AKAP13: variants seen among roughly 807,000 people sequenced by gnomAD.
AKAP13 encodes the protein A-kinase anchoring protein 13.
AKAP13 carries 80 observed loss-of-function variants against 264.5 expected under a neutral mutation model. The observed-to-expected ratio is 0.30, with a 90% confidence interval of 0.25 to 0.36. The LOEUF is 0.36. AKAP13 is among the 10% of genes least tolerant of loss of function. The pLI is 1.00. For missense variants in AKAP13, 3,712 were observed against 3,435.2 expected, an observed-to-expected ratio of 1.08 and a Z score of -2.01; for synonymous variants, 1,380 against 1,250.2, an observed-to-expected ratio of 1.10 and a Z score of -2.19.
Position 85,575,210 on chromosome 15 carries a change from C to T in AKAP13, c.742C>T (p.Arg248Ter). The change falls in exon 6 of 37, where the codon CGA becomes TGA. Residue 248 changes from arginine to a stop codon, truncating the protein, a stop_gained. Coordinates refer to ENST00000394518, the MANE Select transcript of AKAP13 (RefSeq NM_007200.5). LOFTEE classifies it high-confidence loss of function. ...TGGAGACTGTTCTGTGAGGCATCATCGAGAGTTGGACATCTATACATTAAC... is the reference window on the plus strand; with the variant it reads ...TGGAGACTGTTCTGTGAGGCATCATTGAGAGTTGGACATCTATACATTAAC... ...PYGDCSVRHHRELDIYTLTSE... is the reference protein window; with the variant it reads ...PYGDCSVRHH The T allele has an allele frequency of 1.9e-6, 3 of 1,614,092 alleles. No individual in the cohort carries two copies. Among genetic ancestry groups the T allele is most frequent in the Non-Finnish European group, 2.5e-6 (3 of 1,180,018 alleles).
At chr15:85,393,794 A>G (rs1175166254) in intron 1 of AKAP13, among the ~76,000 whole-genome samples, 1 of 152,206 alleles carries the variant, frequency 6.6e-6, no homozygotes, top group African/African-American at 2.4e-5. Context: ...TAGTTTTATT[A>G]TATATGCCAT....
At chr15:85,613,713 T>TATGTATGTATATATATATATA (rs1254657975) in intron 8 of AKAP13, among the ~76,000 whole-genome samples, 1 of 110,988 alleles carries the variant, frequency 9.0e-6, no homozygotes, top group African/African-American at 3.4e-5. Context: ...TATATATATA[T>TATGTATGTATATATATATATA]TAGGAGTGCT....
At chr15:85,604,917 A>T (rs1024827863) in intron 8 of AKAP13, among the ~76,000 whole-genome samples, 1 of 152,160 alleles carries the variant, frequency 6.6e-6, no homozygotes, top group South Asian at 2.1e-4. Flanking sequence ...CTTGAATACC[A>T]CTGATGTTTA....
chr15:85,731,370 T>C (rs1229546076), intron 30 of AKAP13, among the ~76,000 whole-genome samples: 3 of 152,226 alleles, frequency 2.0e-5, no homozygotes, highest in Non-Finnish European at 2.9e-5. Context: ...TAGTTTAATT[T>C]GCTTATGTTT....
intron 5 of AKAP13, among the ~76,000 whole-genome samples, chr15:85,567,245 C>CT (rs1267169568): frequency 1.3e-5 from 2 of 151,726 alleles, no homozygotes; most frequent in Non-Finnish European, 2.9e-5. Context: ...GTAGCTGGGA[C>CT]TACAGGCGTG....
chr15:85,741,509 C>A lies in AKAP13; in HGVS notation c.8058+14C>A. ...GACCTGTGTCAGGTAATGGGACTCC[C>A]TGCCGAGAGCAACCTAATGATGATA... On this transcript the variant is annotated intron_variant, in intron 35 of 36. Coordinates refer to ENST00000394518, the MANE Select transcript of AKAP13 (RefSeq NM_007200.5). 6.4e-7 allele frequency: 1 copy of A among 1,559,768 alleles called. No homozygotes were observed. Among genetic ancestry groups the A allele is most frequent in the Non-Finnish European group, 8.7e-7 (1 of 1,150,544 alleles).
chr15:85,696,170 CTT>C (rs1360506726), intron 17 of AKAP13, among the ~76,000 whole-genome samples: 7 of 152,078 alleles, frequency 4.6e-5, no homozygotes, highest in Non-Finnish European at 8.8e-5. Context: ...TTAGTATTGT[CTT>C]TGATTCATGA....
At chr15:85,465,399 G>T (rs1051411795) in intron 1 of AKAP13, among the ~76,000 whole-genome samples, 1 of 151,492 alleles carries the variant, frequency 6.6e-6, no homozygotes, top group African/African-American at 2.4e-5. Context: ...TGTGCACAAT[G>T]TGCAGGTTAG....
In AKAP13 at chr15:85,592,876, G is replaced by A. The variant is rs566431002; in HGVS notation, c.4161+7053G>A. On this transcript the variant is annotated intron_variant, in intron 8 of 36. Coordinates refer to ENST00000394518, the MANE Select transcript of AKAP13 (RefSeq NM_007200.5). ...GTAAAACTACCCATAGATAATGTAT[G>A]TAAAGGTATAATTTAATGATCTAGT... Among the ~76,000 whole-genome samples the A allele has an allele frequency of 2.0e-5, 3 of 152,224 alleles. No individual in the cohort carries two copies. In the South Asian group the frequency reaches 6.2e-4, roughly 32 times the overall value.
At chr15:85,502,154 A>G (rs1203898123) in intron 2 of AKAP13, among the ~76,000 whole-genome samples, 1 of 152,132 alleles carries the variant, frequency 6.6e-6, no homozygotes, top group African/African-American at 2.4e-5. Context: ...AGGTGATCCA[A>G]CACTTTGAGA....
intron 6 of AKAP13, among the ~76,000 whole-genome samples, chr15:85,578,220 C>G (rs374126177): frequency 2.6e-5 from 4 of 152,196 alleles, no homozygotes; most frequent in African/African-American, 9.7e-5. Flanking sequence ...GAGTTCAAGG[C>G]TGCGGTGAGC....
At chr15:85,539,077 C>T (rs192637999) in intron 4 of AKAP13, among the ~76,000 whole-genome samples, 210 of 152,186 alleles carry the variant, frequency 1.4e-3, no homozygotes, top group Middle Eastern at 0.01. Context: ...ATGATCCTCC[C>T]GCCTCGGCCT....
chr15:85,598,404 G>C (rs571637403), intron 8 of AKAP13, among the ~76,000 whole-genome samples: 11 of 152,314 alleles, frequency 7.2e-5, no homozygotes, highest in Admixed American at 2.0e-4. Context: ...GTGAAAGCCA[G>C]AAACTGTGGG....
intron 1 of AKAP13, among the ~76,000 whole-genome samples, chr15:85,386,508 T>G (rs2070569446): frequency 6.6e-6 from 1 of 151,970 alleles, no homozygotes; most frequent in Non-Finnish European, 1.5e-5. Context: ...CAGGGTGGTC[T>G]GAACTCCTGA....
intron 1 of AKAP13, among the ~76,000 whole-genome samples, chr15:85,396,693 A>T (rs535171582): frequency 6.6e-6 from 1 of 152,212 alleles, no homozygotes; most frequent in African/African-American, 2.4e-5. Context: ...GGTTTCCAGG[A>T]TATGAAACAG....
rs575924714 is a variant in AKAP13, at chr15:85,416,843, G to A, written c.-12+36045G>A. 1.4e-4 allele frequency among the ~76,000 whole-genome samples: 22 copies of A among 152,266 alleles called. No individual in the cohort carries two copies. The East Asian group carries it at 3.7e-3, about 25-fold the overall frequency. Reference sequence around the variant, plus strand: ...TCCTTTTCCCTGCCCATTAAAGGTAGCAAATTTTGGAGGTTCTTACACATT... The same window carrying A: ...TCCTTTTCCCTGCCCATTAAAGGTAACAAATTTTGGAGGTTCTTACACATT... On this transcript the variant is annotated intron_variant, in intron 1 of 36. Transcript: ENST00000394518.
intron 5 of AKAP13, among the ~76,000 whole-genome samples, chr15:85,572,718 G>A (rs891046054): frequency 6.6e-6 from 1 of 150,660 alleles, no homozygotes; most frequent in African/African-American, 2.4e-5. Flanking sequence ...TGTGTAGAAC[G>A]TGCAGGTTTA....
At chr15:85,720,428 A>C (rs948561675) in intron 23 of AKAP13, among the ~76,000 whole-genome samples, 1 of 152,212 alleles carries the variant, frequency 6.6e-6, no homozygotes, top group African/African-American at 2.4e-5. Context: ...TACTTTCATC[A>C]AGGTGTGGTA....
In AKAP13 at chr15:85,741,388, C is replaced by T; in HGVS notation, c.7951C>T (p.Leu2651=). The change falls in exon 35 of 37, where the codon CTG becomes TTG. Residue 2651 remains leucine, a synonymous_variant. Coordinates refer to ENST00000394518, the MANE Select transcript of AKAP13 (RefSeq NM_007200.5). Reference sequence around the variant, plus strand: ...GAAGAAGGGCACATACCAGTATGACCTGGAGCGACTGCGTGCTGCCCAGAA... The same window carrying T: ...GAAGAAGGGCACATACCAGTATGACTTGGAGCGACTGCGTGCTGCCCAGAA... ...QQKKGTYQYD[L]ERLRAAQKQL... The T allele has an allele frequency of 1.2e-6, 2 of 1,614,018 alleles. No homozygotes were observed. Among genetic ancestry groups the T allele is most frequent in the South Asian group, 2.2e-5 (2 of 91,076 alleles).
Sources: allele counts gnomAD v4.1 joint callset (sites outside exome capture counted in the v4.1 genomes callset), GRCh38; gene constraint gnomAD v4.1.1; transcripts MANE v1.5; gene names NCBI Gene and HGNC (gene_info 2026-07-23, HGNC 2026-07-21).